The following NOS1AP variants were observed in gnomAD, a reference collection of about 807,000 sequenced individuals.
NOS1AP encodes the protein nitric oxide synthase 1 adaptor protein.
Under a neutral mutation model 56.2 loss-of-function variants are expected in NOS1AP, and 21 were observed. The observed-to-expected ratio is 0.37, with a 90% CI of 0.26 to 0.54. NOS1AP has a LOEUF of 0.54. Among genes scored for constraint, NOS1AP ranks in the 20% least tolerant of loss-of-function variants. The pLI, the probability that NOS1AP is intolerant of heterozygous loss-of-function variation, is 0.84. For missense variants in NOS1AP, 522 were observed against 657.8 expected (o/e 0.79, Z 2.26); for synonymous variants, 270 against 274.6 (o/e 0.98, Z 0.17).
chr1:162,340,538 T>C (rs898266040), intron 5 of NOS1AP, among the ~76,000 whole-genome samples: 7 of 152,256 alleles, frequency 4.6e-5, no homozygotes, highest in Non-Finnish European at 8.8e-5. Context: ...GTGCAGTGAA[T>C]TCCATAGTCA....
intron 1 of NOS1AP, among the ~76,000 whole-genome samples, chr1:162,113,436 G>A (rs1647790651): frequency 6.6e-6 from 1 of 152,114 alleles, no homozygotes; most frequent in Admixed American, 6.5e-5. Flanking sequence ...GTCCATTCTT[G>A]CATTGTTGTA....
intron 1 of NOS1AP, among the ~76,000 whole-genome samples, chr1:162,106,554 T>A (rs990256417): frequency 1.3e-5 from 2 of 152,308 alleles, no homozygotes; most frequent in Admixed American, 1.3e-4. Context: ...ATATATATGT[T>A]CTTTCTTAGA....
chr1:162,237,379 A>T (rs903451497), intron 2 of NOS1AP, among the ~76,000 whole-genome samples: 5 of 152,158 alleles, frequency 3.3e-5, no homozygotes, highest in Non-Finnish European at 7.3e-5. Flanking sequence ...GGAGATTTGA[A>T]TTTGATTTCC....
In NOS1AP at chr1:162,186,533, G is replaced by A. The variant is rs538009522; in HGVS notation, c.177+32057G>A. Among the ~76,000 whole-genome samples, 55 of 152,206 alleles carry A rather than the reference G, an allele frequency of 3.6e-4. No homozygotes were observed. The East Asian group carries it at 9.9e-3, about 27-fold the overall frequency. On this transcript the variant is annotated intron_variant, in intron 2 of 9. Coordinates refer to ENST00000361897, the MANE Select transcript of NOS1AP (RefSeq NM_014697.3). ...GAGTGTGTCTCCCCCAAATTCATAC[G>A]TTGAAACTCTAACCCCCAATGGGAT...
At chr1:162,335,910 A>C (rs1382330110) in intron 5 of NOS1AP, among the ~76,000 whole-genome samples, 1 of 151,892 alleles carries the variant, frequency 6.6e-6, no homozygotes, top group Non-Finnish European at 1.5e-5. Context: ...GCCTCCCTCG[A>C]CCTTGTTCCC....
chr1:162,238,901 A>G (rs1196382338), intron 2 of NOS1AP, among the ~76,000 whole-genome samples: 3 of 152,248 alleles, frequency 2.0e-5, no homozygotes, highest in Non-Finnish European at 4.4e-5. Context: ...TTCTTAATCC[A>G]CTTGGAAGAA....
At chr1:162,326,101 G>A (rs573016618) in intron 4 of NOS1AP, among the ~76,000 whole-genome samples, 1 of 152,188 alleles carries the variant, frequency 6.6e-6, no homozygotes, top group East Asian at 1.9e-4. Context: ...TCACTTCAAC[G>A]ATTAAAAAAG....
chr1:162,131,546 G>T (rs993895910), intron 1 of NOS1AP, among the ~76,000 whole-genome samples: 1 of 151,862 alleles, frequency 6.6e-6, no homozygotes. Flanking sequence ...ATTTCCCATG[G>T]AAAGAGGCTC....
chr1:162,351,488 C>G (rs1393503072), intron 6 of NOS1AP, among the ~76,000 whole-genome samples: 1 of 152,210 alleles, frequency 6.6e-6, no homozygotes, highest in Non-Finnish European at 1.5e-5. Flanking sequence ...CATTCAGCAG[C>G]CCTGCTTGTC....
chr1:162,234,892 CTA>C (rs1442778819), intron 2 of NOS1AP, among the ~76,000 whole-genome samples: 6 of 152,262 alleles, frequency 3.9e-5, no homozygotes, highest in African/African-American at 1.4e-4. Flanking sequence ...GTTCTGCAAA[CTA>C]TACCCTGCAA....
chr1:162,320,296 T>A (rs1209715795), intron 4 of NOS1AP, among the ~76,000 whole-genome samples: 2 of 152,194 alleles, frequency 1.3e-5, no homozygotes, highest in East Asian at 3.8e-4. Flanking sequence ...AGGCAAGGAC[T>A]TGCCTCCTTC....
At chr1:162,077,461 C>T (rs1342660275) in intron 1 of NOS1AP, among the ~76,000 whole-genome samples, 1 of 151,972 alleles carries the variant, frequency 6.6e-6, no homozygotes, top group Non-Finnish European at 1.5e-5. Context: ...GGCTTTTTTA[C>T]TATTGAGTTG....
intron 2 of NOS1AP, among the ~76,000 whole-genome samples, chr1:162,180,075 AATG>A (rs1284596251): frequency 3.3e-5 from 5 of 152,090 alleles, no homozygotes; most frequent in African/African-American, 1.2e-4. Flanking sequence ...TGGATTTCTG[AATG>A]ATATGTTACC....
chr1:162,291,445 T>G lies in NOS1AP; in HGVS notation c.270+4009T>G, dbSNP rs189156411. On this transcript the variant is annotated intron_variant, in intron 3 of 9. Transcript: ENST00000361897. The stretch of plus-strand genomic sequence containing the variant: ...GAAGTCTAGTTTGTTACCTTTATCA[T>G]GTTGTCCTCCCTCTTTTTCTTCCTG... Among the ~76,000 whole-genome samples the G allele has an allele frequency of 4.3e-4, 66 of 152,272 alleles. 1 individual carries two copies. The highest frequency in any genetic ancestry group is 6.8e-3 in the Middle Eastern group (2 of 294).
chr1:162,202,130 G>A (rs948053109), intron 2 of NOS1AP, among the ~76,000 whole-genome samples: 6 of 152,244 alleles, frequency 3.9e-5, no homozygotes, highest in East Asian at 3.9e-4. Flanking sequence ...ATTGGGAGTC[G>A]AAACTCTAGG....
rs78377538 is a variant in NOS1AP at position 162,287,491 on chromosome 1, A to G, written c.270+55A>G. On this transcript the variant is annotated intron_variant, in intron 3 of 9. Transcript: ENST00000361897. ...GAAGAGGAAAGCAGGGGAGGTAGGC[A>G]TGGGGTACCTTCTTCTTCTGGGCCC... 4,177 of 1,149,020 alleles carry G rather than the reference A, an allele frequency of 3.6e-3. 98 individuals carry two copies. The African/African-American group carries it at 0.055, about 15-fold the overall frequency. The allele number at this position is 1,149,020 out of a possible 1,614,324, so 71.2% of individuals were successfully genotyped here.
chr1:162,335,251 C>A (rs1656902234), intron 5 of NOS1AP, among the ~76,000 whole-genome samples: 1 of 152,222 alleles, frequency 6.6e-6, no homozygotes. Context: ...AGAGTTGGTT[C>A]TCAGGCCCTT....
At chr1:162,099,634 T>A (rs1007160879) in intron 1 of NOS1AP, among the ~76,000 whole-genome samples, 3 of 28,124 alleles carry the variant, frequency 1.1e-4, no homozygotes, top group South Asian at 4.4e-3. Flanking sequence ...TTCTTTTTTT[T>A]AAATTTTATT....
rs954047433 is a variant in NOS1AP, at chr1:162,078,365, A to G, written c.105+8083A>G. On this transcript the variant is annotated intron_variant, in intron 1 of 9. Coordinates refer to ENST00000361897, the MANE Select transcript of NOS1AP (RefSeq NM_014697.3). ...TTGGGCACATGGGCCTGACACTTTA[A>G]AGTACCCCTTGTATTCTTTGATTTA... 2.6e-5 allele frequency among the ~76,000 whole-genome samples: 4 copies of G among 152,198 alleles called. No homozygotes were observed. In the East Asian group the frequency reaches 7.7e-4, roughly 29 times the overall value.
Sources: allele counts gnomAD v4.1 joint callset (sites outside exome capture counted in the v4.1 genomes callset), GRCh38; gene constraint gnomAD v4.1.1; transcripts MANE v1.5; gene names NCBI Gene and HGNC (gene_info 2026-07-23, HGNC 2026-07-21).